Variants in VPS33A observed in about 807,000 individuals in gnomAD.
The protein encoded by VPS33A is vacuolar protein sorting-associated protein 33A.
Under a neutral mutation model 71.8 loss-of-function variants are expected in VPS33A, and 32 were observed. The ratio of observed to expected loss-of-function variants is 0.45; its 90% CI spans 0.34 to 0.60. The LOEUF (loss-of-function observed/expected upper bound fraction) is 0.60. Among genes scored for constraint, VPS33A ranks in the 20% least tolerant of loss-of-function variants. The probability of loss-of-function intolerance (pLI) is 0.02; values close to 1 mark genes in which losing one functional copy is unlikely to be tolerated. For missense variants in VPS33A, 625 were observed against 748.5 expected (o/e 0.84, Z 1.92); for synonymous variants, 311 against 292.7 (o/e 1.06, Z -0.64).
rs1954556110 is a variant in VPS33A at position 122,231,187 on chromosome 12, G to T, written c.*1059C>A. On this transcript the variant is annotated 3_prime_UTR_variant, in exon 13 of 13. Transcript: ENST00000267199. ...TGTCTGGAGTTAACGTGTGTGCTAA[G>T]AAACTGTCTTTGAATTACTTCAAAG... 6.6e-6 allele frequency: 1 copy of T among 152,230 alleles called. No homozygotes were observed. The highest frequency in any genetic ancestry group is 2.1e-4 in the South Asian group (1 of 4,836). The allele number at this position is 152,230 out of a possible 1,614,324, so 9.4% of individuals were successfully genotyped here. A position where few individuals can be genotyped will look rare whatever the true frequency, so the allele number is the denominator to read the frequency against.
At chr12:122,255,029 C>T (rs1443366122) in intron 4 of VPS33A, among the ~76,000 whole-genome samples, 6 of 144,162 alleles carry the variant, frequency 4.2e-5, no homozygotes, top group Non-Finnish European at 7.5e-5. Context: ...CCAGCCTAGG[C>T]GGCAGAGTGA....
chr12:122,254,859 T>C (rs571122432), intron 4 of VPS33A, among the ~76,000 whole-genome samples: 1 of 152,084 alleles, frequency 6.6e-6, no homozygotes, highest in Admixed American at 6.5e-5. Context: ...GAGACCAGCT[T>C]GGGCCACATG....
intron 4 of VPS33A, among the ~76,000 whole-genome samples, chr12:122,259,185 G>GTA (rs1954958262): frequency 1.6e-5 from 2 of 125,238 alleles, no homozygotes; most frequent in African/African-American, 5.5e-5. Flanking sequence ...GTGTATGTAT[G>GTA]TGTGTATGTA....
intron 8 of VPS33A, 60 bp downstream of exon 8, chr12:122,242,322 G>A: frequency 1.3e-6 from 2 of 1,585,920 alleles, no homozygotes; most frequent in South Asian, 2.3e-5. Flanking sequence ...TGACCTAGGT[G>A]TCAAACGTTG....
intron 4 of VPS33A, among the ~76,000 whole-genome samples, chr12:122,256,384 G>A (rs935077809): frequency 6.6e-6 from 1 of 152,042 alleles, no homozygotes; most frequent in East Asian, 1.9e-4. Flanking sequence ...GACCAGCCTG[G>A]CCAACATGGT....
chr12:122,266,296 C>T lies in VPS33A; in HGVS notation c.102+11G>A, dbSNP rs765181133. The T allele has an allele frequency of 3.1e-6, 5 of 1,608,856 alleles. No homozygotes were observed. The highest frequency in any genetic ancestry group is 2.7e-5 in the African/African-American group (2 of 74,924). The stretch of plus-strand genomic sequence containing the variant: ...GAGGCGAGGGCGGTGTCGCTGCCTC[C>T]CGCCCCTCACCTTGCTTCCTGCGCA... On this transcript the variant is annotated intron_variant, in intron 1 of 12. Coordinates refer to ENST00000267199, the MANE Select transcript of VPS33A (RefSeq NM_022916.6).
intron 8 of VPS33A, among the ~76,000 whole-genome samples, chr12:122,240,170 A>C (rs1275619336): frequency 6.6e-6 from 1 of 151,868 alleles, no homozygotes; most frequent in African/African-American, 2.4e-5. Flanking sequence ...TCTACCAAAA[A>C]CACAAAAATT....
chr12:122,253,189 G>A (rs750404423), intron 4 of VPS33A: 2 of 152,160 alleles, frequency 1.3e-5, no homozygotes, highest in South Asian at 2.1e-4. Context: ...GCAGACCATC[G>A]AGAATATGTC....
At chr12:122,235,516 G>A (rs983335038) in intron 11 of VPS33A, among the ~76,000 whole-genome samples, 17 of 151,840 alleles carry the variant, frequency 1.1e-4, no homozygotes, top group African/African-American at 3.4e-4. Flanking sequence ...TGCCCGCCTC[G>A]GCCTCCCAAA....
intron 4 of VPS33A, chr12:122,252,855 C>T (rs1362796752): frequency 6.6e-6 from 1 of 152,362 alleles, no homozygotes; most frequent in South Asian, 2.1e-4. Flanking sequence ...CTGAAACATA[C>T]AGCAAATGCT....
intron 10 of VPS33A, among the ~76,000 whole-genome samples, chr12:122,237,916 C>G (rs1954652021): frequency 6.6e-6 from 1 of 151,860 alleles, no homozygotes; most frequent in Non-Finnish European, 1.5e-5. Context: ...TCCTGGGTAG[C>G]TGGGACTGCA....
intron 10 of VPS33A, among the ~76,000 whole-genome samples, chr12:122,237,534 C>CTTTTT (rs59918502): frequency 7.2e-5 from 8 of 111,786 alleles, no homozygotes; most frequent in African/African-American, 1.5e-4. Context: ...TAAAGTTTTT[C>CTTTTT]TTTTTTTTTT....
chr12:122,252,583 T>TAA (rs139930631), intron 4 of VPS33A, among the ~76,000 whole-genome samples: 1 of 148,676 alleles, frequency 6.7e-6, no homozygotes, highest in Non-Finnish European at 1.5e-5. Context: ...CCCATCTCTT[T>TAA]AAAAAAAAAA....
At chr12:122,254,876 C>A (rs1272263070) in intron 4 of VPS33A, among the ~76,000 whole-genome samples, 1 of 151,908 alleles carries the variant, frequency 6.6e-6, no homozygotes, top group African/African-American at 2.4e-5. Context: ...CATGGTGAAA[C>A]CCTGTCTCTA....
At chr12:122,259,613 A>G (rs1027110190) in intron 4 of VPS33A, among the ~76,000 whole-genome samples, 2 of 152,152 alleles carry the variant, frequency 1.3e-5, no homozygotes, top group Non-Finnish European at 2.9e-5. Flanking sequence ...AAAAGTGGAA[A>G]CAACCCATCA....
Position 122,232,254 on chromosome 12 carries a change from G to T in VPS33A, c.1783C>A (p.Pro595Thr), listed in dbSNP as rs200158890. The T allele has an allele frequency of 2.3e-4, 369 of 1,610,884 alleles. No individual in the cohort carries two copies. Among genetic ancestry groups the T allele is most frequent in the Non-Finnish European group, 2.8e-4 (330 of 1,178,808 alleles). ...AGTCTCCTCTGAACATCCTAGAAAG[G>T]TTTTTCCATCAGAGCCTCTATCCAA... ...TSWIEALMEKPF is the reference protein window; with the variant it reads ...TSWIEALMEKTF Residue 595 changes from proline (P) to threonine (T), a missense_variant, in exon 13 of 13, where the codon CCT (proline) becomes ACT (threonine). By Grantham distance (38) the Pro-to-Thr change is conservative (BLOSUM62 -1). Coordinates refer to ENST00000267199, the MANE Select transcript of VPS33A (RefSeq NM_022916.6).
chr12:122,240,478 T>C lies in VPS33A; in HGVS notation c.1097-533A>G, dbSNP rs1593198383. Among the ~76,000 whole-genome samples the C allele has an allele frequency of 2.6e-5, 4 of 152,212 alleles. No homozygotes were observed. The South Asian group carries it at 8.3e-4, about 31-fold the overall frequency. On this transcript the variant is annotated intron_variant, in intron 8 of 12. Transcript: ENST00000267199. ...TACAGTCGACAAGTGCACTCTTTTGTATCCTTAGGATTTCAGTACAGACCC... is the reference window on the plus strand; with the variant it reads ...TACAGTCGACAAGTGCACTCTTTTGCATCCTTAGGATTTCAGTACAGACCC...
intron 10 of VPS33A, among the ~76,000 whole-genome samples, chr12:122,237,965 T>C (rs1302425747): frequency 2.6e-5 from 4 of 151,786 alleles, no homozygotes; most frequent in African/African-American, 4.8e-5. Flanking sequence ...TGTATTTTTT[T>C]TGTAGAGACA....
chr12:122,239,751 A>AC, intron 9 of VPS33A, 127 bp downstream of exon 9: 1 of 75,116 alleles, frequency 1.3e-5, no homozygotes. Context: ...CTCCGTCTCA[A>AC]AAAAAAAAAA....
Sources: gnomAD v4.1 joint callset for allele counts (sites outside exome capture counted in the v4.1 genomes callset) on GRCh38, gnomAD v4.1.1 for gene constraint, MANE v1.5 for transcripts, NCBI Gene and HGNC (gene_info 2026-07-23, HGNC 2026-07-21) for gene names.